PAPPA: variants seen among roughly 807,000 people sequenced by gnomAD.
PAPPA encodes the protein pappalysin 1.
A neutral mutation model predicts 164.0 loss-of-function variants in PAPPA; 60 were observed. The observed-to-expected ratio is 0.37, with a 90% CI of 0.30 to 0.45. The LOEUF is 0.45. Ranked by LOEUF, PAPPA falls within the 20% of genes least tolerant of loss-of-function variation. The pLI is 1.00. For synonymous variants in PAPPA, 875 were observed against 814.1 expected (o/e 1.07, Z -1.27); for missense variants, 1,782 against 2,087.3 (o/e 0.85, Z 2.85).
chr9:116,273,957 T>C (rs1211788493), intron 9 of PAPPA, among the ~76,000 whole-genome samples: 4 of 152,184 alleles, frequency 2.6e-5, no homozygotes, highest in African/African-American at 9.7e-5. Context: ...ACTCTTTTAC[T>C]GAACTGCTCT....
chr9:116,220,833 C>T (rs573576717), intron 5 of PAPPA, among the ~76,000 whole-genome samples: 3 of 150,940 alleles, frequency 2.0e-5, no homozygotes, highest in Non-Finnish European at 2.9e-5. Flanking sequence ...TGCAGTGAGC[C>T]GAGATGGCAC....
chr9:116,321,706 T>C (rs1160877278), intron 10 of PAPPA, among the ~76,000 whole-genome samples: 1 of 152,180 alleles, frequency 6.6e-6, no homozygotes, highest in Admixed American at 6.5e-5. Context: ...ATCTAATGCG[T>C]CACCAATCTT....
chr9:116,210,490 A>G (rs1844293126), intron 3 of PAPPA, among the ~76,000 whole-genome samples: 2 of 152,340 alleles, frequency 1.3e-5, no homozygotes, highest in Non-Finnish European at 1.5e-5. Context: ...ATGCTGCTCT[A>G]CACCTAAAGT....
intron 7 of PAPPA, among the ~76,000 whole-genome samples, chr9:116,248,172 A>T (rs185510333): frequency 6.6e-6 from 1 of 152,228 alleles, no homozygotes; most frequent in Admixed American, 6.5e-5. Flanking sequence ...AGGAGTTGCT[A>T]TGCTTCAGTG....
chr9:116,248,060 G>A (rs779221495), intron 7 of PAPPA, among the ~76,000 whole-genome samples: 21 of 152,124 alleles, frequency 1.4e-4, no homozygotes, highest in Non-Finnish European at 2.5e-4. Flanking sequence ...TTTTCACTAC[G>A]CTTGTTCTTG....
At chr9:116,371,590 C>A (rs1053867066) in intron 19 of PAPPA, among the ~76,000 whole-genome samples, 4 of 152,002 alleles carry the variant, frequency 2.6e-5, no homozygotes, top group African/African-American at 9.7e-5. Flanking sequence ...TTCTACTTTT[C>A]TTTTTTTCAA....
intron 2 of PAPPA, among the ~76,000 whole-genome samples, chr9:116,203,744 A>G (rs1244545555): frequency 6.6e-6 from 1 of 152,080 alleles, no homozygotes; most frequent in African/African-American, 2.4e-5. Flanking sequence ...TCCCTACTCT[A>G]CAGATGAGAG....
chr9:116,261,887 G>GTTTTGTTTTGTTTTGTTT (rs77731355), intron 7 of PAPPA, among the ~76,000 whole-genome samples: 8 of 151,060 alleles, frequency 5.3e-5, no homozygotes, highest in African/African-American at 1.7e-4. Context: ...GTAGAAAAAA[G>GTTTTGTTTTGTTTTGTTT]TGTTTTGTTT....
rs1222135889 is a variant in PAPPA, at chr9:116,348,600, T to G, written c.3964+1391T>G. On this transcript the variant is annotated intron_variant, in intron 15 of 21. Coordinates refer to ENST00000328252, the MANE Select transcript of PAPPA (RefSeq NM_002581.5). ...TACAGATTATTTTATCACCCAGTTA[T>G]GAAGCCTGCCTTAATACCCTTTAGC... 3.3e-5 allele frequency among the ~76,000 whole-genome samples: 5 copies of G among 152,152 alleles called. No homozygotes were observed. The East Asian group carries it at 9.7e-4, about 29-fold the overall frequency.
chr9:116,368,399 G>A (rs1169387161), intron 19 of PAPPA, among the ~76,000 whole-genome samples: 2 of 152,210 alleles, frequency 1.3e-5, no homozygotes, highest in Non-Finnish European at 2.9e-5. Flanking sequence ...TGAAATCTCG[G>A]AAGTGAGGTG....
chr9:116,215,686 TC>T (rs1305021013), intron 4 of PAPPA, among the ~76,000 whole-genome samples: 2 of 152,038 alleles, frequency 1.3e-5, no homozygotes, highest in Non-Finnish European at 2.9e-5. Context: ...TAGAACAAAC[TC>T]CCTTGATACA....
chr9:116,389,194 A>G (rs1250367169), intron 21 of PAPPA, among the ~76,000 whole-genome samples: 1 of 146,230 alleles, frequency 6.8e-6, no homozygotes, highest in Non-Finnish European at 1.5e-5. Flanking sequence ...GTGCAGTGGC[A>G]TAATCTTGGC....
intron 4 of PAPPA, 66 bp downstream of exon 4, chr9:116,211,998 A>G: frequency 7.0e-7 from 1 of 1,434,578 alleles, no homozygotes; most frequent in Non-Finnish European, 9.7e-7. Flanking sequence ...ATCCTGGCTC[A>G]GGGGAACCTT....
Position 116,187,068 on chromosome 9 carries a change from T to C in PAPPA, c.416-86T>C, listed in dbSNP as rs1843979374. On this transcript the variant is annotated intron_variant, in intron 1 of 21. Coordinates refer to ENST00000328252, the MANE Select transcript of PAPPA (RefSeq NM_002581.5). This position sits in a 1 kb window ranked among gnomAD's most constrained non-coding sequence, Gnocchi z 4.2. ...AAGCGATGAGTCTAGGATAACCTGA[T>C]ACAAATTTTATTAGAGAAAAATAAC... 4 of 982,370 alleles carry C rather than the reference T, an allele frequency of 4.1e-6. No individual in the cohort carries two copies. Among genetic ancestry groups the C allele is most frequent in the African/African-American group, 1.6e-5 (1 of 61,916 alleles). The allele number at this position is 982,370 out of a possible 1,614,324, so 60.9% of individuals were successfully genotyped here.
chr9:116,261,997 G>A (rs2118804429), intron 7 of PAPPA, among the ~76,000 whole-genome samples: 1 of 152,138 alleles, frequency 6.6e-6, no homozygotes, highest in African/African-American at 2.4e-5. Context: ...AGGCTCACTG[G>A]ATCCCAGGTG....
intron 12 of PAPPA, 126 bp from the exon 13 acceptor site, chr9:116,334,735 G>A (rs1399995959): frequency 1.2e-5 from 8 of 651,170 alleles, no homozygotes; most frequent in Admixed American, 2.9e-5. Context: ...CTCACCGGCC[G>A]CCCAATGGTG....
chr9:116,210,309 G>A (rs1844290897), intron 3 of PAPPA, among the ~76,000 whole-genome samples: 3 of 152,116 alleles, frequency 2.0e-5, no homozygotes, highest in Admixed American at 2.0e-4. Flanking sequence ...CCCTAACACG[G>A]AGACAGAGTC....
intron 17 of PAPPA, among the ~76,000 whole-genome samples, chr9:116,358,877 C>T (rs1014825084): frequency 3.3e-5 from 5 of 152,292 alleles, no homozygotes; most frequent in Admixed American, 2.6e-4. Flanking sequence ...TGGGTTGATT[C>T]TAAACTTCTC....
chr9:116,309,853 A>G (rs1221817402), intron 10 of PAPPA, among the ~76,000 whole-genome samples: 1 of 152,164 alleles, frequency 6.6e-6, no homozygotes, highest in African/African-American at 2.4e-5. Flanking sequence ...CATTGAAAGA[A>G]GAACATTGAC....
Sources: gnomAD v4.1 joint callset for allele counts (sites outside exome capture counted in the v4.1 genomes callset) on GRCh38, gnomAD v4.1.1 for gene constraint, Gnocchi (gnomAD v3.1) non-coding constraint, MANE v1.5 for transcripts, NCBI Gene and HGNC (gene_info 2026-07-23, HGNC 2026-07-21) for gene names.